The following GLYATL2 variants were observed in gnomAD, a reference collection of about 807,000 sequenced individuals.
GLYATL2 encodes the protein glycine N-acyltransferase-like protein 2.
GLYATL2 carries 25 observed loss-of-function variants against 21.4 expected under a neutral mutation model. The observed-to-expected ratio is 1.17, with a 90% CI of 0.85 to 1.63. The LOEUF is 1.63. GLYATL2 is among the 40% of genes most tolerant of loss of function. GLYATL2 has a pLI of 0.00. For missense variants in GLYATL2, 361 were observed against 343.3 expected (o/e 1.05, Z -0.41); for synonymous variants, 114 against 118.2 (o/e 0.96, Z 0.23).
rs1040569287 is a variant in GLYATL2 at position 58,900,649 on chromosome 11, T to C, written n.60+3507A>G. On this transcript the variant is annotated intron_variant and non_coding_transcript_variant, in intron 1 of 4. Transcript: ENST00000533636. ...AGGCAGCCTTAGTTAACTGAGAAGG[T>C]TAATTGACAAAGAGGGTTGAGCCAC... Among the ~76,000 whole-genome samples, 6 of 152,036 alleles carry C rather than the reference T, an allele frequency of 3.9e-5. No individual in the cohort carries two copies. The East Asian group carries it at 1.2e-3, about 29-fold the overall frequency.
chr11:58,851,643 A>G (rs1391316970), intron 1 of GLYATL2, among the ~76,000 whole-genome samples: 1 of 152,228 alleles, frequency 6.6e-6, no homozygotes, highest in Non-Finnish European at 1.5e-5. Context: ...GGACACTGCC[A>G]GAAACTCCAG....
chr11:58,872,035 T>C (rs1042386522), intron 1 of GLYATL2, among the ~76,000 whole-genome samples: 15 of 152,368 alleles, frequency 9.8e-5, no homozygotes, highest in Admixed American at 4.6e-4. Context: ...TGATGGCCAG[T>C]GATGATGAGC....
chr11:58,877,850 C>G (rs1318809609), intron 1 of GLYATL2, among the ~76,000 whole-genome samples: 1 of 152,198 alleles, frequency 6.6e-6, no homozygotes, highest in Non-Finnish European at 1.5e-5. Flanking sequence ...TAAATACAGT[C>G]TGAGAAGGAC....
In GLYATL2 at chr11:58,865,905, T is replaced by A. The variant is rs999773933; in HGVS notation, n.61-27537A>T. Among the ~76,000 whole-genome samples, 11 of 149,072 alleles carry A rather than the reference T, an allele frequency of 7.4e-5. 2 individuals are homozygous for A. Among genetic ancestry groups the A allele is most frequent in the Non-Finnish European group, 1.6e-4 (11 of 67,146 alleles). On this transcript the variant is annotated intron_variant and non_coding_transcript_variant, in intron 1 of 4. Coordinates refer to the GLYATL2 transcript ENST00000533636. ...ATAAAAGGAGTCCCCTATTACTTTG[T>A]AGTATAGCCAAAGTTTCTGATTTTC...
chr11:58,873,067 C>G (rs1305543734), intron 1 of GLYATL2, among the ~76,000 whole-genome samples: 1 of 151,566 alleles, frequency 6.6e-6, no homozygotes, highest in African/African-American at 2.4e-5. Flanking sequence ...TGATTTCACT[C>G]ATGATTTGGC....
chr11:58,909,524 T>TA, the GLYATL2 span, among the ~76,000 whole-genome samples: 2 of 152,220 alleles, frequency 1.3e-5, no homozygotes, highest in African/African-American at 4.8e-5. Flanking sequence ...GTACATTAGT[T>TA]ACGCATTCTG....
Position 58,844,683 on chromosome 11 carries a change from G to A in GLYATL2, c.-290C>T, listed in dbSNP as rs1312686293. On this transcript the variant is annotated 5_prime_UTR_variant, in exon 1 of 6. Coordinates refer to ENST00000287275, the MANE Select transcript of GLYATL2 (RefSeq NM_145016.4). ...GAGGACTGAGAATATGTTCCATATT[G>A]AGCAGCTTCTACAATTCTAAGAAGT... 2.0e-5 allele frequency: 3 copies of A among 152,228 alleles called. No individual in the cohort carries two copies. The highest frequency in any genetic ancestry group is 7.2e-5 in the African/African-American group (3 of 41,454). 9.4% of individuals were successfully genotyped at this position (152,228 alleles called of 1,614,324 possible).
upstream of GLYATL2, among the ~76,000 whole-genome samples, chr11:58,847,478 G>T (rs1165368233): frequency 6.6e-6 from 1 of 152,156 alleles, no homozygotes; most frequent in African/African-American, 2.4e-5. Context: ...GCCCGGAAAG[G>T]TGAGTCCCAG....
chr11:58,841,695 G>T (rs1271270193), intron 1 of GLYATL2, among the ~76,000 whole-genome samples: 2 of 152,214 alleles, frequency 1.3e-5, no homozygotes, highest in Non-Finnish European at 2.9e-5. Flanking sequence ...TCACTGTCTA[G>T]GATGATGGGT....
chr11:58,869,735 T>C (rs950610614), intron 1 of GLYATL2, among the ~76,000 whole-genome samples: 1 of 152,358 alleles, frequency 6.6e-6, no homozygotes, highest in South Asian at 2.1e-4. Context: ...GTTACTTAAG[T>C]AAATCTTTAG....
At chr11:58,852,782 CT>C (rs1317554398) in intron 1 of GLYATL2, among the ~76,000 whole-genome samples, 4 of 152,166 alleles carry the variant, frequency 2.6e-5, no homozygotes, top group Non-Finnish European at 5.9e-5. Context: ...TCCCTAAAGG[CT>C]CTGTCTCCAA....
intron 1 of GLYATL2, among the ~76,000 whole-genome samples, chr11:58,876,555 T>C (rs1048172984): frequency 2.6e-5 from 4 of 152,228 alleles, no homozygotes; most frequent in Non-Finnish European, 4.4e-5. Flanking sequence ...GGAGGTCTAC[T>C]CCAGACCCTG....
At chr11:58,850,613 G>A (rs1228499416) in intron 1 of GLYATL2, among the ~76,000 whole-genome samples, 1 of 152,076 alleles carries the variant, frequency 6.6e-6, no homozygotes, top group Non-Finnish European at 1.5e-5. Flanking sequence ...GCCCAGACAG[G>A]GCCACTAGAT....
At chr11:58,860,583 G>A (rs958804942) in intron 1 of GLYATL2, among the ~76,000 whole-genome samples, 4 of 152,096 alleles carry the variant, frequency 2.6e-5, no homozygotes, top group African/African-American at 9.6e-5. Context: ...CAATTTGGAT[G>A]CTTTTTATTT....
intron 1 of GLYATL2, among the ~76,000 whole-genome samples, chr11:58,852,382 G>C (rs956692353): frequency 6.6e-6 from 1 of 152,204 alleles, no homozygotes; most frequent in Non-Finnish European, 1.5e-5. Flanking sequence ...GTAACTAACA[G>C]AAATTCAGTG....
At chr11:58,889,319 C>T (rs747091660) in intron 1 of GLYATL2, among the ~76,000 whole-genome samples, 17 of 151,744 alleles carry the variant, frequency 1.1e-4, no homozygotes, top group East Asian at 3.9e-4. Flanking sequence ...TTTCTAAACA[C>T]GTAATACTGT....
intron 3 of GLYATL2, among the ~76,000 whole-genome samples, chr11:58,837,690 G>T (rs538706589): frequency 6.6e-6 from 1 of 152,264 alleles, no homozygotes; most frequent in African/African-American, 2.4e-5. Context: ...TAAAAGTGAA[G>T]GTGCCTAAGG....
At chr11:58,898,605 C>T (rs1395600968) in intron 1 of GLYATL2, among the ~76,000 whole-genome samples, 7 of 151,778 alleles carry the variant, frequency 4.6e-5, no homozygotes, top group African/African-American at 1.2e-4. Flanking sequence ...GAGACCGAGG[C>T]GGGCAGATCA....
At chr11:58,846,404 C>T (rs547659100), upstream of GLYATL2, among the ~76,000 whole-genome samples, 65 of 152,270 alleles carry the variant, frequency 4.3e-4, no homozygotes, top group African/African-American at 1.5e-3. Context: ...CTGGTTTTGA[C>T]TTCATATCCC....
Sources: gnomAD v4.1 joint callset for allele counts (sites outside exome capture counted in the v4.1 genomes callset) on GRCh38, gnomAD v4.1.1 for gene constraint, MANE v1.5 for transcripts, NCBI Gene and HGNC (gene_info 2026-07-23, HGNC 2026-07-21) for gene names.